Variants in SHANK2 observed in about 807,000 individuals in gnomAD.
SHANK2 encodes the protein SH3 and multiple ankyrin repeat domains 2.
A neutral mutation model predicts 133.7 loss-of-function variants in SHANK2; 43 were observed. The observed-to-expected ratio is 0.32, with a 90% confidence interval of 0.25 to 0.41. The LOEUF is 0.41. SHANK2 is among the 10% of genes least tolerant of loss of function. The probability of loss-of-function intolerance (pLI) is 1.00; values close to 1 mark genes in which losing one functional copy is unlikely to be tolerated. For missense variants in SHANK2, 1,994 were observed against 2,235.8 expected (o/e 0.89, Z 2.18); for synonymous variants, 1,017 against 952.8 (o/e 1.07, Z -1.24).
At chr11:71,072,580 G>A (rs889191732) in intron 9 of SHANK2, among the ~76,000 whole-genome samples, 5 of 152,194 alleles carry the variant, frequency 3.3e-5, no homozygotes, top group Non-Finnish European at 7.3e-5. Context: ...TGAACACATG[G>A]TTGCATCTAT....
intron 17 of SHANK2, among the ~76,000 whole-genome samples, chr11:70,583,779 A>G (rs868970476): frequency 1.1e-4 from 16 of 152,032 alleles, no homozygotes; most frequent in African/African-American, 2.9e-4. Flanking sequence ...GGCCAGAACG[A>G]TCCTCCGCAA....
chr11:70,864,400 T>C (rs1479599382), intron 11 of SHANK2: 1 of 153,300 alleles, frequency 6.5e-6, no homozygotes, highest in East Asian at 1.9e-4. Context: ...CTCAGATGAG[T>C]CCCAGGGCCG....
At chr11:70,954,445 G>A (rs377189201) in intron 10 of SHANK2, among the ~76,000 whole-genome samples, 1 of 152,234 alleles carries the variant, frequency 6.6e-6, no homozygotes, top group Non-Finnish European at 1.5e-5. Context: ...CGTGGCATGA[G>A]AAAATGTACT....
intron 15 of SHANK2, among the ~76,000 whole-genome samples, chr11:70,688,837 C>T (rs1555020320): frequency 1.3e-5 from 2 of 152,180 alleles, no homozygotes; most frequent in African/African-American, 4.8e-5. Flanking sequence ...GACCATGTCT[C>T]CCCACCACAG....
chr11:70,471,519 T>C lies in SHANK2; in HGVS notation c.*1350A>G. ...GAAAGCCTTGCCAGAGAGGCTGACC[T>C]GGCAGCCCAGGAGACCTCCCTGCTT... On this transcript the variant is annotated 3_prime_UTR_variant, in exon 26 of 26. Coordinates refer to ENST00000601538, the MANE Select transcript of SHANK2 (RefSeq NM_012309.5). The surrounding 1 kb of genome is among the most constrained non-coding windows in gnomAD (Gnocchi z 4.1). The C allele has an allele frequency of 2.5e-6, 1 of 397,864 alleles. No homozygotes were observed. Among genetic ancestry groups the C allele is most frequent in the Non-Finnish European group, 4.4e-6 (1 of 225,890 alleles). The allele number at this position is 397,864 out of a possible 1,614,324, so 24.6% of individuals were successfully genotyped here. A position where few individuals can be genotyped will look rare whatever the true frequency, so the allele number is the denominator to read the frequency against.
chr11:70,496,161 C>T (rs571072446), intron 21 of SHANK2, among the ~76,000 whole-genome samples: 1 of 152,180 alleles, frequency 6.6e-6, no homozygotes, highest in Non-Finnish European at 1.5e-5. Flanking sequence ...TGGCCAGGCT[C>T]TGCTGTGCTG....
chr11:70,801,682 G>A (rs1948050449), intron 13 of SHANK2, among the ~76,000 whole-genome samples: 1 of 152,194 alleles, frequency 6.6e-6, no homozygotes, highest in African/African-American at 2.4e-5. Flanking sequence ...GCACTGGGCT[G>A]GGAGGTGAGA....
chr11:71,097,002 G>A (rs1951626774), intron 6 of SHANK2, among the ~76,000 whole-genome samples: 2 of 152,170 alleles, frequency 1.3e-5, no homozygotes, highest in African/African-American at 2.4e-5. Context: ...CTGCATAAAC[G>A]CACCGGTGGA....
intron 2 of SHANK2, among the ~76,000 whole-genome samples, chr11:71,183,235 G>A (rs1953596359): frequency 6.6e-6 from 1 of 152,178 alleles, no homozygotes; most frequent in Non-Finnish European, 1.5e-5. Flanking sequence ...TCGTCCAAGT[G>A]ATGGAGGGAC....
At chr11:71,062,412 G>A (rs1210222941) in intron 9 of SHANK2, among the ~76,000 whole-genome samples, 2 of 152,234 alleles carry the variant, frequency 1.3e-5, no homozygotes. Flanking sequence ...GGGGCCTGGT[G>A]GGGTCAGCAA....
At chr11:71,093,968 G>T (rs1259711524) in intron 7 of SHANK2, among the ~76,000 whole-genome samples, 1 of 152,122 alleles carries the variant, frequency 6.6e-6, no homozygotes, top group African/African-American at 2.4e-5. Context: ...TGAGGCAGGG[G>T]CACGGAGCAG....
At chr11:70,772,556 T>A (rs570341732) in intron 14 of SHANK2, among the ~76,000 whole-genome samples, 2 of 152,304 alleles carry the variant, frequency 1.3e-5, no homozygotes, top group Admixed American at 1.3e-4. Flanking sequence ...GAAACTATAG[T>A]TTCAGAAAGG....
chr11:70,902,148 G>A (rs563363344), intron 10 of SHANK2, among the ~76,000 whole-genome samples: 2 of 152,242 alleles, frequency 1.3e-5, no homozygotes, highest in Non-Finnish European at 2.9e-5. Context: ...GGACAGCAGA[G>A]CAGCAGGCGG....
intron 9 of SHANK2, among the ~76,000 whole-genome samples, chr11:71,066,144 T>TGGTGGG (rs1565432906): frequency 5.8e-5 from 2 of 34,222 alleles, no homozygotes; most frequent in Non-Finnish European, 1.0e-4. Context: ...GTGGGGAAGT[T>TGGTGGG]GGGTGGGGGG....
intron 17 of SHANK2, among the ~76,000 whole-genome samples, chr11:70,635,939 C>T (rs1202484940): frequency 1.3e-5 from 2 of 152,234 alleles, no homozygotes; most frequent in South Asian, 2.1e-4. Flanking sequence ...GCATGAGGCC[C>T]GCCCCTTTCT....
chr11:70,924,353 C>T (rs1487398255), intron 10 of SHANK2, among the ~76,000 whole-genome samples: 1 of 151,736 alleles, frequency 6.6e-6, no homozygotes, highest in Non-Finnish European at 1.5e-5. Context: ...CTCCTAGGAT[C>T]TCGGGGCCGG....
At chr11:71,222,841 C>T (rs549703464) in intron 2 of SHANK2, among the ~76,000 whole-genome samples, 33 of 152,322 alleles carry the variant, frequency 2.2e-4, no homozygotes, top group Middle Eastern at 3.4e-3. Context: ...TGACACCTTT[C>T]GAGGAGGAAC....
rs1490796018 is a variant in SHANK2 at position 71,234,184 on chromosome 11, A to G, written c.-112-9388T>C. ...AACATAGTGAAACTCCCTCTCTACT[A>G]AAAAAAAAAAAAAAAAAAAAAAAAA... is the stretch of plus-strand genomic sequence containing the variant. On this transcript the variant is annotated intron_variant, in intron 1 of 25. Transcript: ENST00000601538. Among the ~76,000 whole-genome samples the G allele has an allele frequency of 1.0e-4, 3 of 28,838 alleles. 1 individual carries two copies. The highest frequency in any genetic ancestry group is 3.3e-3 in the South Asian group (2 of 606). 18.9% of individuals were successfully genotyped at this position (28,838 alleles called of 152,430 possible). A position where few individuals can be genotyped will look rare whatever the true frequency, so the allele number is the denominator to read the frequency against.
rs1309948150 is a variant in SHANK2, at chr11:70,662,038, ACGG to A, written c.1854-363_1854-361del. ...AGGGCAAAGAAAGTAAGTGGCCCGA[ACGG>A]CGGCGGCGGCAGCGGCGGCCTCAGC... On this transcript the variant is annotated intron_variant, in intron 15 of 25. Transcript: ENST00000601538. The A allele has an allele frequency of 1.9e-4, 100 of 519,584 alleles. No homozygotes were observed. In the Middle Eastern group the frequency reaches 2.7e-3, roughly 14 times the overall value. 32.2% of individuals were successfully genotyped at this position (519,584 alleles called of 1,614,324 possible).
Sources: gnomAD v4.1 joint callset for allele counts (sites outside exome capture counted in the v4.1 genomes callset) on GRCh38, gnomAD v4.1.1 for gene constraint, Gnocchi (gnomAD v3.1) non-coding constraint, MANE v1.5 for transcripts, NCBI Gene and HGNC (gene_info 2026-07-23, HGNC 2026-07-21) for gene names.